Variants in DAB1 observed in about 807,000 individuals in gnomAD.
DAB1 encodes the protein disabled homolog 1.
In DAB1, 15 loss-of-function variants were observed where a neutral mutation model predicts 64.6. The observed-to-expected ratio is 0.23, with a 90% CI of 0.16 to 0.36. The LOEUF is 0.36. Ranked by LOEUF, DAB1 falls within the 10% of genes least tolerant of loss-of-function variation. The probability of loss-of-function intolerance (pLI) is 1.00; values close to 1 mark genes in which losing one functional copy is unlikely to be tolerated. For synonymous variants in DAB1, 235 were observed against 251.9 expected (o/e 0.93, Z 0.64); for missense variants, 596 against 706.7 (o/e 0.84, Z 1.78).
intron 1 of DAB1, among the ~76,000 whole-genome samples, chr1:57,411,436 A>C (rs1379756519): frequency 6.6e-6 from 1 of 152,388 alleles, no homozygotes; most frequent in South Asian, 2.1e-4. Context: ...CTACCAGCCA[A>C]AATTTGCCCA....
intron 6 of DAB1, among the ~76,000 whole-genome samples, chr1:57,781,120 C>CTATA (rs1650064417): frequency 2.1e-5 from 1 of 48,342 alleles, no homozygotes; most frequent in Non-Finnish European, 3.5e-5. Context: ...CTCTCTCTCT[C>CTATA]TCTCTCTATA....
intron 5 of DAB1, among the ~76,000 whole-genome samples, chr1:57,927,674 TCAGGG>T (rs762491827): frequency 1.1e-4 from 17 of 152,200 alleles, no homozygotes; most frequent in Non-Finnish European, 2.1e-4. Context: ...TTATGTTAAG[TCAGGG>T]CTTACAAACT....
At chr1:57,111,189 G>A (rs1168014261) in intron 4 of DAB1, among the ~76,000 whole-genome samples, 1 of 152,042 alleles carries the variant, frequency 6.6e-6, no homozygotes, top group Non-Finnish European at 1.5e-5. Flanking sequence ...GCAGAGGAAG[G>A]AAAGGTTGAC....
At chr1:58,049,373 T>C (rs1647471959) in intron 5 of DAB1, 3 of 565,792 alleles carry the variant, frequency 5.3e-6, no homozygotes, top group African/African-American at 1.9e-5. Context: ...CGAATGTATC[T>C]TAACCTGAAC....
chr1:58,126,133 C>T (rs1653062845), intron 5 of DAB1, among the ~76,000 whole-genome samples: 1 of 152,290 alleles, frequency 6.6e-6, no homozygotes, highest in Non-Finnish European at 1.5e-5. Context: ...ATCAGTCTGA[C>T]CTTTTCCCAC....
intron 1 of DAB1, among the ~76,000 whole-genome samples, chr1:57,377,131 A>C (rs1680961863): frequency 6.6e-6 from 1 of 152,144 alleles, no homozygotes; most frequent in Non-Finnish European, 1.5e-5. Flanking sequence ...TTAGCTGGGC[A>C]TGGTGGCACG....
chr1:58,114,656 A>G (rs1335306474), intron 5 of DAB1, among the ~76,000 whole-genome samples: 11 of 152,250 alleles, frequency 7.2e-5, no homozygotes, highest in Admixed American at 7.2e-4. Context: ...AACAGAGACT[A>G]TAAAGCCACA....
At chr1:58,474,466 T>A (rs75550976) in intron 3 of DAB1, among the ~76,000 whole-genome samples, 1 of 152,052 alleles carries the variant, frequency 6.6e-6, no homozygotes, top group Non-Finnish European at 1.5e-5. Flanking sequence ...AGTTGGTTCA[T>A]TGTGATAAGC....
intron 2 of DAB1, among the ~76,000 whole-genome samples, chr1:57,196,955 G>A (rs1406145848): frequency 7.9e-5 from 12 of 152,128 alleles, no homozygotes; most frequent in Admixed American, 7.9e-4. Flanking sequence ...AGCACTTTGT[G>A]GGTCCATTTG....
chr1:57,523,934 G>A (rs1644561413), intron 7 of DAB1, among the ~76,000 whole-genome samples: 1 of 151,466 alleles, frequency 6.6e-6, no homozygotes, highest in Non-Finnish European at 1.5e-5. Flanking sequence ...CAAAAAAAAA[G>A]AAAAAGAAAC....
At chr1:57,886,721 GTGTAATATTTAAACT>G (rs1644229117), upstream of DAB1, among the ~76,000 whole-genome samples, 1 of 152,166 alleles carries the variant, frequency 6.6e-6, no homozygotes, top group Non-Finnish European at 1.5e-5. Flanking sequence ...TGAAATATTA[GTGTAATATTTAAACT>G]TGTAGACTTT....
At chr1:57,582,646 C>T (rs1041651752) in intron 7 of DAB1, among the ~76,000 whole-genome samples, 3 of 152,236 alleles carry the variant, frequency 2.0e-5, no homozygotes, top group Admixed American at 2.0e-4. Context: ...GGAGCCTCCT[C>T]CTCATGGGTG....
chr1:58,168,281 C>T (rs533091921), intron 4 of DAB1, among the ~76,000 whole-genome samples: 5 of 152,174 alleles, frequency 3.3e-5, no homozygotes, highest in African/African-American at 9.6e-5. Context: ...AGCCAAGGGT[C>T]GACAGAGAGG....
intron 7 of DAB1, among the ~76,000 whole-genome samples, chr1:57,471,812 C>G (rs1232565998): frequency 1.3e-5 from 2 of 152,156 alleles, no homozygotes; most frequent in African/African-American, 4.8e-5. Flanking sequence ...ATACAGTCAC[C>G]TCCAAAATTG....
intron 6 of DAB1, among the ~76,000 whole-genome samples, chr1:57,772,504 A>G (rs1649606813): frequency 6.6e-6 from 1 of 152,146 alleles, no homozygotes; most frequent in Non-Finnish European, 1.5e-5. Flanking sequence ...AGCTCTATGT[A>G]AAGATATATG....
intron 7 of DAB1, among the ~76,000 whole-genome samples, chr1:57,577,785 T>C (rs1300855331): frequency 2.0e-5 from 3 of 152,238 alleles, no homozygotes; most frequent in Non-Finnish European, 2.9e-5. Flanking sequence ...TGTTCCCTAG[T>C]GATCTGATGC....
intron 1 of DAB1, among the ~76,000 whole-genome samples, chr1:57,831,379 C>T (rs927662261): frequency 6.6e-6 from 1 of 152,042 alleles, no homozygotes; most frequent in African/African-American, 2.4e-5. Context: ...TAAATCTTAG[C>T]CCTGAGTGTT....
chr1:57,216,212 G>A (rs1405109659), intron 2 of DAB1, among the ~76,000 whole-genome samples: 1 of 151,898 alleles, frequency 6.6e-6, no homozygotes, highest in Non-Finnish European at 1.5e-5. Flanking sequence ...CCTTAGGAAG[G>A]TTACTTACCT....
chr1:58,034,207 A>C (rs1647011497), intron 5 of DAB1, among the ~76,000 whole-genome samples: 1 of 152,214 alleles, frequency 6.6e-6, no homozygotes, highest in African/African-American at 2.4e-5. Flanking sequence ...GCTGGTTACC[A>C]TATTTGAACT....
Sources: allele counts gnomAD v4.1 joint callset (sites outside exome capture counted in the v4.1 genomes callset), GRCh38; gene constraint gnomAD v4.1.1; transcripts MANE v1.5; gene names NCBI Gene and HGNC (gene_info 2026-07-23, HGNC 2026-07-21).